The following ADGRG6 variants were observed in gnomAD, a reference collection of about 807,000 sequenced individuals.
ADGRG6 encodes G-protein coupled receptor 126.
Under a neutral mutation model 142.4 loss-of-function variants are expected in ADGRG6, and 84 were observed. That is an observed-to-expected ratio of 0.59 (90% CI 0.49 to 0.71). ADGRG6 has a LOEUF of 0.71. Among genes scored for constraint, ADGRG6 ranks in the 30% least tolerant of loss-of-function variants. The pLI is 0.00. For missense variants in ADGRG6, 1,367 were observed against 1,466.6 expected (o/e 0.93, Z 1.11); for synonymous variants, 521 against 520.5 (o/e 1.00, Z -0.01).
intron 4 of ADGRG6, among the ~76,000 whole-genome samples, chr6:142,379,503 C>T (rs374034513): frequency 2.6e-5 from 4 of 152,190 alleles, no homozygotes; most frequent in Non-Finnish European, 5.9e-5. Context: ...CACGGTGGCT[C>T]ACGCCTGTAA....
intron 1 of ADGRG6, among the ~76,000 whole-genome samples, chr6:142,305,553 T>C (rs889610867): frequency 6.6e-6 from 1 of 152,000 alleles, no homozygotes; most frequent in Non-Finnish European, 1.5e-5. Context: ...TTAAAGATAT[T>C]TCTAACTTTA....
intron 2 of ADGRG6, among the ~76,000 whole-genome samples, chr6:142,358,681 C>T (rs1181099447): frequency 4.0e-5 from 6 of 151,334 alleles, no homozygotes; most frequent in African/African-American, 1.2e-4. Context: ...CCGAGGAGGG[C>T]GGATCATGAG....
Position 142,415,113 on chromosome 6 carries a change from T to C in ADGRG6, c.2669+17T>C, listed in dbSNP as rs761552888. ...TGCTTTTGAGTAAGTATATTTTTAATCTGCCAAACCCATTGCTAACTGTTC... is the reference window on the plus strand; with the variant it reads ...TGCTTTTGAGTAAGTATATTTTTAACCTGCCAAACCCATTGCTAACTGTTC... On this transcript the variant is annotated intron_variant, in intron 19 of 24. Coordinates refer to ENST00000367609, the MANE Select transcript of ADGRG6 (RefSeq NM_198569.3). 6.2e-7 allele frequency: 1 copy of C among 1,604,456 alleles called. No individual in the cohort carries two copies. Among genetic ancestry groups the C allele is most frequent in the Non-Finnish European group, 8.5e-7 (1 of 1,175,238 alleles).
chr6:142,342,943 A>G (rs1779726532), intron 2 of ADGRG6, among the ~76,000 whole-genome samples: 1 of 151,832 alleles, frequency 6.6e-6, no homozygotes, highest in South Asian at 2.1e-4. Flanking sequence ...ACCTTTGTGT[A>G]TATTTCAACA....
chr6:142,370,735 A>G lies in ADGRG6; in HGVS notation c.1011A>G (p.Gln337=), dbSNP rs756280284. 5.6e-6 allele frequency: 9 copies of G among 1,613,956 alleles called. No homozygotes were observed. Among genetic ancestry groups the G allele is most frequent in the Non-Finnish European group, 6.8e-6 (8 of 1,179,850 alleles). ...TGAAAGGGAATGTAGTCGACTGGCAAAATGACTTCTGGAATATCCCAAACC... is the reference window on the plus strand; with the variant it reads ...TGAAAGGGAATGTAGTCGACTGGCAGAATGACTTCTGGAATATCCCAAACC... ...CNVKGNVVDW[Q]NDFWNIPNLA... is the part of the protein sequence containing the mutation. Residue 337 remains glutamine, a synonymous_variant, in exon 4 of 25, where the codon CAA becomes CAG. Coordinates refer to ENST00000367609, the MANE Select transcript of ADGRG6 (RefSeq NM_198569.3).
intron 2 of ADGRG6, among the ~76,000 whole-genome samples, chr6:142,346,294 C>T (rs888565774): frequency 1.3e-5 from 2 of 152,302 alleles, no homozygotes; most frequent in African/African-American, 2.4e-5. Context: ...TATTTCTCCA[C>T]ATCCTCTCCA....
At chr6:142,353,121 T>C (rs1780269454) in intron 2 of ADGRG6, among the ~76,000 whole-genome samples, 1 of 152,196 alleles carries the variant, frequency 6.6e-6, no homozygotes, top group South Asian at 2.1e-4. Flanking sequence ...TTCTTTTCCC[T>C]CTACTTCCGT....
intron 4 of ADGRG6, among the ~76,000 whole-genome samples, chr6:142,381,675 G>A (rs1441461286): frequency 6.6e-6 from 1 of 152,140 alleles, no homozygotes; most frequent in Non-Finnish European, 1.5e-5. Flanking sequence ...AAAAAGCCCT[G>A]AACTTTTTGC....
At chr6:142,325,929 G>A (rs1349365462) in intron 2 of ADGRG6, among the ~76,000 whole-genome samples, 1 of 151,678 alleles carries the variant, frequency 6.6e-6, no homozygotes, top group Non-Finnish European at 1.5e-5. Context: ...CACACATGAA[G>A]ATATTCATTT....
intron 9 of ADGRG6, among the ~76,000 whole-genome samples, chr6:142,396,544 A>G (rs762733038): frequency 6.6e-6 from 1 of 152,172 alleles, no homozygotes; most frequent in Admixed American, 6.5e-5. Flanking sequence ...AATTACTACT[A>G]TAATACTTAT....
intron 2 of ADGRG6, among the ~76,000 whole-genome samples, chr6:142,318,842 A>G (rs1022542938): frequency 6.6e-6 from 1 of 151,984 alleles, no homozygotes. Context: ...ATGAGGCTAG[A>G]TGGGGAAGTG....
intron 2 of ADGRG6, among the ~76,000 whole-genome samples, chr6:142,322,520 A>G (rs1030753787): frequency 2.6e-5 from 4 of 152,008 alleles, no homozygotes; most frequent in African/African-American, 7.3e-5. Flanking sequence ...CATACATTCA[A>G]AAGTTTGGGT....
At chr6:142,425,716 C>T (rs992152274) in intron 22 of ADGRG6, among the ~76,000 whole-genome samples, 3 of 152,118 alleles carry the variant, frequency 2.0e-5, no homozygotes, top group African/African-American at 7.2e-5. Flanking sequence ...AGTTCATTTT[C>T]ACACTGCTGA....
intron 21 of ADGRG6, among the ~76,000 whole-genome samples, chr6:142,417,577 A>T (rs1248375868): frequency 6.6e-6 from 1 of 152,190 alleles, no homozygotes; most frequent in Non-Finnish European, 1.5e-5. Context: ...GTACTCTGTC[A>T]TATGGAGGAA....
intron 2 of ADGRG6, among the ~76,000 whole-genome samples, chr6:142,324,622 A>G (rs1778672403): frequency 6.6e-6 from 1 of 152,124 alleles, no homozygotes; most frequent in South Asian, 2.1e-4. Flanking sequence ...ATTATCAGGT[A>G]TGTGTGTACC....
At chr6:142,309,731 C>A (rs199565474) in intron 2 of ADGRG6, 87 bp downstream of exon 2, 1 of 764,980 alleles carries the variant, frequency 1.3e-6, no homozygotes, top group Non-Finnish European at 2.0e-6. Flanking sequence ...TGTTGCCTTA[C>A]TTTTACTTAC....
chr6:142,394,917 T>C (rs1221377018), intron 9 of ADGRG6, among the ~76,000 whole-genome samples: 2 of 152,106 alleles, frequency 1.3e-5, no homozygotes, highest in Non-Finnish European at 2.9e-5. Flanking sequence ...TTTAAAAATT[T>C]GTTGTGAAGC....
intron 2 of ADGRG6, among the ~76,000 whole-genome samples, chr6:142,353,428 C>A (rs896237925): frequency 5.9e-5 from 9 of 152,090 alleles, no homozygotes; most frequent in African/African-American, 2.2e-4. Flanking sequence ...GGATGTCTCC[C>A]TCCCAGCCTT....
rs1420531830 is a variant in ADGRG6, at chr6:142,302,148, G to A, written c.-182G>A. 1.6e-6 allele frequency: 1 copy of A among 626,518 alleles called. No homozygotes were observed. The highest frequency in any genetic ancestry group is 1.9e-5 in the African/African-American group (1 of 53,324). 38.8% of individuals were successfully genotyped at this position (626,518 alleles called of 1,614,324 possible). A position where few individuals can be genotyped will look rare whatever the true frequency, so the allele number is the denominator to read the frequency against. ...CCTGCGCTGAACGCTGCCGCGCCCA[G>A]GGTTCACCTTGCGCCGTCGGGAAAG... On this transcript the variant is annotated 5_prime_UTR_variant, in exon 1 of 25. Transcript: ENST00000367609.
Sources: gnomAD v4.1 joint callset for allele counts (sites outside exome capture counted in the v4.1 genomes callset) on GRCh38, gnomAD v4.1.1 for gene constraint, MANE v1.5 for transcripts, NCBI Gene and HGNC (gene_info 2026-07-23, HGNC 2026-07-21) for gene names.